The following RAB1A variants were observed in gnomAD, a reference collection of about 807,000 sequenced individuals.
RAB1A encodes RAB1A, member RAS oncogene family, also known as ras-related protein Rab-1A.
In RAB1A, 2 loss-of-function variants were observed where a neutral mutation model predicts 26.0. The observed-to-expected ratio is 0.08, with a 90% confidence interval of 0.03 to 0.24. The LOEUF (loss-of-function observed/expected upper bound fraction) is 0.24. RAB1A is among the 10% of genes least tolerant of loss of function. The pLI, the probability that RAB1A is intolerant of heterozygous loss-of-function variation, is 1.00. For missense variants in RAB1A, 100 were observed against 247.0 expected (o/e 0.40, Z 3.99); for synonymous variants, 84 against 84.9 (o/e 0.99, Z 0.06).
intron 1 of RAB1A, among the ~76,000 whole-genome samples, chr2:65,124,529 T>C (rs1670052581): frequency 6.6e-6 from 1 of 152,146 alleles, no homozygotes; most frequent in African/African-American, 2.4e-5. Flanking sequence ...CTCACTGCAA[T>C]GCCCACCTCC....
chr2:65,088,803 G>C, intron 5 of RAB1A, 113 bp from the exon 6 acceptor site: 1 of 1,311,868 alleles, frequency 7.6e-7, no homozygotes, highest in Non-Finnish European at 1.0e-6. Context: ...GATCCAAACA[G>C]ATGCTACACA....
rs147949657 is a variant in RAB1A at position 65,103,332 on chromosome 2, T to C, written c.96+1402A>G. Among the ~76,000 whole-genome samples, 21 of 107,538 alleles carry C rather than the reference T, an allele frequency of 2.0e-4. No homozygotes were observed. The East Asian group carries it at 6.0e-3, about 31-fold the overall frequency. 70.5% of individuals were successfully genotyped at this position (107,538 alleles called of 152,430 possible). On this transcript the variant is annotated intron_variant, in intron 2 of 5. Transcript: ENST00000409784. ...AAAAAAAACATTGTTTTATGTGAAC[T>C]TCCCATTTCTTCACAAATATTTTTA...
chr2:65,097,405 G>A (rs1170371600), intron 3 of RAB1A, among the ~76,000 whole-genome samples: 1 of 152,170 alleles, frequency 6.6e-6, no homozygotes, highest in Non-Finnish European at 1.5e-5. Context: ...GGTTCTACCA[G>A]TAACTGTAGG....
chr2:65,110,551 A>G (rs968839472), intron 1 of RAB1A, among the ~76,000 whole-genome samples: 8 of 152,206 alleles, frequency 5.3e-5, no homozygotes, highest in Non-Finnish European at 1.2e-4. Flanking sequence ...AGCAGTATAA[A>G]TGATTATAAA....
chr2:65,118,771 C>T (rs1404969371), intron 1 of RAB1A, among the ~76,000 whole-genome samples: 2 of 152,200 alleles, frequency 1.3e-5, no homozygotes, highest in Non-Finnish European at 2.9e-5. Flanking sequence ...AGCCCCCGCA[C>T]CCGGCCCAAA....
intron 1 of RAB1A, among the ~76,000 whole-genome samples, chr2:65,111,114 C>A (rs532921932): frequency 6.6e-6 from 1 of 152,206 alleles, no homozygotes; most frequent in South Asian, 2.1e-4. Context: ...GTAATCCTAG[C>A]GCTTTGGGAG....
At chr2:65,090,046 G>A (rs1305478394) in intron 4 of RAB1A, among the ~76,000 whole-genome samples, 3 of 152,116 alleles carry the variant, frequency 2.0e-5, no homozygotes, top group African/African-American at 2.4e-5. Context: ...ATGACCTACT[G>A]TTACTACTAG....
chr2:65,112,506 T>C (rs1198657889), intron 1 of RAB1A, among the ~76,000 whole-genome samples: 6 of 152,210 alleles, frequency 3.9e-5, no homozygotes, highest in Non-Finnish European at 8.8e-5. Context: ...TTAAATCTAA[T>C]CACAAATTGG....
rs528087017 is a variant in RAB1A, at chr2:65,100,383, A to C, written c.97-2317T>G. On this transcript the variant is annotated intron_variant, in intron 2 of 5. Transcript: ENST00000409784. ...GCCACTGCACTCCAGCCCAGGCGAC[A>C]AGGCATGTCTCTGTCTCAAAAAAAA... 2.8e-5 allele frequency among the ~76,000 whole-genome samples: 4 copies of C among 145,144 alleles called. No individual in the cohort carries two copies. In the East Asian group the frequency reaches 8.0e-4, roughly 29 times the overall value.
At chr2:65,123,142 T>C (rs930511100) in intron 1 of RAB1A, among the ~76,000 whole-genome samples, 7 of 151,376 alleles carry the variant, frequency 4.6e-5, no homozygotes, top group Admixed American at 4.6e-4. Context: ...GGAAGGTGAA[T>C]ATAGCAGGAT....
At chr2:65,113,736 G>A (rs1424696597) in intron 1 of RAB1A, among the ~76,000 whole-genome samples, 3 of 152,112 alleles carry the variant, frequency 2.0e-5, no homozygotes, top group Admixed American at 6.6e-5. Flanking sequence ...ACTGTTATGT[G>A]AAAGGAATAT....
intron 1 of RAB1A, among the ~76,000 whole-genome samples, chr2:65,111,901 T>C (rs1669706790): frequency 6.6e-6 from 1 of 152,010 alleles, no homozygotes; most frequent in Non-Finnish European, 1.5e-5. Context: ...CTGGCCAACA[T>C]GGTGAAACCC....
At chr2:65,111,206 C>CA (rs1266289102) in intron 1 of RAB1A, among the ~76,000 whole-genome samples, 5 of 151,808 alleles carry the variant, frequency 3.3e-5, no homozygotes, top group African/African-American at 9.7e-5. Flanking sequence ...TACTAAAATA[C>CA]AAAAAATTAG....
chr2:65,090,604 G>A (rs1669152331), intron 4 of RAB1A, among the ~76,000 whole-genome samples: 1 of 152,098 alleles, frequency 6.6e-6, no homozygotes, highest in Non-Finnish European at 1.5e-5. Flanking sequence ...CAATTCTGAT[G>A]GACAAGTTCT....
At chr2:65,103,127 G>T (rs79776198) in intron 2 of RAB1A, among the ~76,000 whole-genome samples, 1 of 151,650 alleles carries the variant, frequency 6.6e-6, no homozygotes, top group Non-Finnish European at 1.5e-5. Flanking sequence ...AGCAGCCTGT[G>T]CAACACAGTG....
Position 65,122,392 on chromosome 2 carries a change from CA to C in RAB1A, c.23+7500del, listed in dbSNP as rs11413874. Among the ~76,000 whole-genome samples, 343 of 133,860 alleles carry C rather than the reference CA, an allele frequency of 2.6e-3. 1 individual carries two copies. Among genetic ancestry groups the C allele is most frequent in the African/African-American group, 8.5e-3 (303 of 35,698 alleles). The allele number at this position is 133,860 out of a possible 152,430, so 87.8% of individuals were successfully genotyped here. On this transcript the variant is annotated intron_variant, in intron 1 of 5. Coordinates refer to ENST00000409784, the MANE Select transcript of RAB1A (RefSeq NM_004161.5). Reference sequence around the variant, plus strand: ...TGAAATCCCATCCCTACAAAAAATACAAAAAAAAAAAAAAAATTAGCCAGGT... The same window carrying C: ...TGAAATCCCATCCCTACAAAAAATACAAAAAAAAAAAAAAATTAGCCAGGT...
At chr2:65,127,036 A>G (rs1436601489) in intron 1 of RAB1A, among the ~76,000 whole-genome samples, 2 of 152,194 alleles carry the variant, frequency 1.3e-5, no homozygotes, top group Admixed American at 6.5e-5. Flanking sequence ...AGGTTTTCTC[A>G]AATTCCTGTA....
intron 2 of RAB1A, among the ~76,000 whole-genome samples, chr2:65,102,465 T>C (rs1448974832): frequency 2.6e-5 from 4 of 152,244 alleles, no homozygotes; most frequent in African/African-American, 7.2e-5. Context: ...TGGTAAACTC[T>C]AAGTTTTTTC....
Position 65,088,478 on chromosome 2 carries a change from G to T in RAB1A, c.*15C>A. On this transcript the variant is annotated 3_prime_UTR_variant, in exon 6 of 6. Transcript: ENST00000409784. ...TTGCAAATTCATTGCTGTGAGAAAA[G>T]GATGGAGGCAAATTTTAGCAGCAAC... is the stretch of plus-strand genomic sequence containing the variant. 1 of 1,588,184 alleles carries T rather than the reference G, an allele frequency of 6.3e-7. No individual in the cohort carries two copies. Among genetic ancestry groups the T allele is most frequent in the South Asian group, 1.2e-5 (1 of 86,932 alleles).
Sources: gnomAD v4.1 joint callset for allele counts (sites outside exome capture counted in the v4.1 genomes callset) on GRCh38, gnomAD v4.1.1 for gene constraint, MANE v1.5 for transcripts, NCBI Gene and HGNC (gene_info 2026-07-23, HGNC 2026-07-21) for gene names.